ABAT: variants seen among roughly 807,000 people sequenced by gnomAD.
The protein encoded by ABAT is 4-aminobutyrate aminotransferase.
In ABAT, 45 loss-of-function variants were observed where a neutral mutation model predicts 64.6. The observed-to-expected ratio is 0.70, with a 90% CI of 0.55 to 0.89. The LOEUF (loss-of-function observed/expected upper bound fraction) is 0.89, where lower values mean the gene tolerates loss of function less well. Among genes scored for constraint, ABAT ranks in the 40% least tolerant of loss-of-function variants. The pLI is 0.00. For missense variants in ABAT, 633 were observed against 658.4 expected, an observed-to-expected ratio of 0.96 and a Z score of 0.42; for synonymous variants, 297 against 250.5, an observed-to-expected ratio of 1.19 and a Z score of -1.75.
chr16:8,723,698 C>G (rs1038356798), intron 1 of ABAT, among the ~76,000 whole-genome samples: 1 of 151,576 alleles, frequency 6.6e-6, no homozygotes, highest in Admixed American at 6.6e-5. Flanking sequence ...GTGAGAGAGG[C>G]ATCACTATCT....
intron 1 of ABAT, among the ~76,000 whole-genome samples, chr16:8,700,701 G>A (rs73497668): frequency 0.07 from 10,672 of 152,136 alleles, 1,251 homozygotes; most frequent in African/African-American, 0.24. Context: ...GGATCAAGCA[G>A]TCTTCCCACT....
chr16:8,695,952 C>T (rs2057692175), intron 1 of ABAT, among the ~76,000 whole-genome samples: 1 of 152,146 alleles, frequency 6.6e-6, no homozygotes, highest in Non-Finnish European at 1.5e-5. Context: ...TAAACCAAGT[C>T]CCTTTGCCTG....
At chr16:8,719,786 AAAG>A (rs961647287) in intron 1 of ABAT, among the ~76,000 whole-genome samples, 15 of 152,218 alleles carry the variant, frequency 9.9e-5, no homozygotes, top group African/African-American at 3.4e-4. Context: ...AGAAGGAAAA[AAAG>A]AAGTTGTTCA....
intron 1 of ABAT, among the ~76,000 whole-genome samples, chr16:8,731,885 G>T (rs972275499): frequency 1.3e-5 from 2 of 151,400 alleles, no homozygotes; most frequent in Non-Finnish European, 2.9e-5. Context: ...ACAGAGTCTC[G>T]CCCTGTCGCC....
chr16:8,746,113 C>T lies in ABAT; in HGVS notation c.168+15C>T, dbSNP rs779152057. 5 of 1,599,892 alleles carry T rather than the reference C, an allele frequency of 3.1e-6. No individual in the cohort carries two copies. The East Asian group carries it at 6.7e-5, about 21-fold the overall frequency. On this transcript the variant is annotated intron_variant, in intron 3 of 15. Coordinates refer to ENST00000268251, the MANE Select transcript of ABAT (RefSeq NM_020686.6). ...CTAGATCTCAGGTGAGTTGAGCACA[C>T]CTGAGTGGGGTATTTTGGAAAAGGG...
At chr16:8,778,789 C>CCA (rs2060344289) in intron 14 of ABAT, among the ~76,000 whole-genome samples, 1 of 146,836 alleles carries the variant, frequency 6.8e-6, no homozygotes, top group Non-Finnish European at 1.5e-5. Flanking sequence ...AAAAAAAAAA[C>CCA]AAAAAACAAA....
chr16:8,777,841 A>C, intron 14 of ABAT, among the ~76,000 whole-genome samples: 1 of 152,170 alleles, frequency 6.6e-6, no homozygotes, highest in East Asian at 1.9e-4. Context: ...TGCCAGGCAC[A>C]GGGGCTCATG....
chr16:8,710,290 G>A (rs2058038946), intron 1 of ABAT, among the ~76,000 whole-genome samples: 1 of 152,218 alleles, frequency 6.6e-6, no homozygotes, highest in Non-Finnish European at 1.5e-5. Context: ...TATTAGGGAT[G>A]TTTAGTATTC....
intron 1 of ABAT, among the ~76,000 whole-genome samples, chr16:8,730,429 A>T (rs1409437790): frequency 6.6e-6 from 1 of 151,984 alleles, no homozygotes; most frequent in Non-Finnish European, 1.5e-5. Context: ...TCTCCACACT[A>T]TTCCTGCCCT....
In ABAT at chr16:8,750,437, C is replaced by A. The variant is rs756847648; in HGVS notation, c.214C>A (p.His72Asn). The change falls in exon 5 of 16, where the codon CAT becomes AAT. Residue 72 changes from histidine (H) to asparagine (N), a missense_variant. Transcript: ENST00000268251. ...LNIIQNAEAVHFFCNYEESRG... is the reference protein window; with the variant it reads ...LNIIQNAEAVNFFCNYEESRG... ...TTTCTCCAAGAATGCAGAGGCTGTGCATTTTTTCTGCAATTACGAAGAGAG... is the reference window on the plus strand; with the variant it reads ...TTTCTCCAAGAATGCAGAGGCTGTGAATTTTTTCTGCAATTACGAAGAGAG... 1.2e-6 allele frequency: 2 copies of A among 1,613,962 alleles called. No individual in the cohort carries two copies. Among genetic ancestry groups the A allele is most frequent in the Non-Finnish European group, 1.7e-6 (2 of 1,179,980 alleles).
intron 1 of ABAT, among the ~76,000 whole-genome samples, chr16:8,676,382 C>G (rs973323478): frequency 3.3e-5 from 5 of 152,066 alleles, no homozygotes; most frequent in Non-Finnish European, 5.9e-5. Context: ...GCTAGGATCC[C>G]TGACACAAGC....
rs1313829752 is a variant in ABAT at position 8,783,520 on chromosome 16, A to G, written c.*2090A>G. ...GGCAAGGCAAGGAAGGGTGTTGCAG[A>G]GAGGGAACAGCATATGCAAAGGCGT... On this transcript the variant is annotated 3_prime_UTR_variant, in exon 16 of 16. Transcript: ENST00000268251. 5 of 152,238 alleles carry G rather than the reference A, an allele frequency of 3.3e-5. No individual in the cohort carries two copies. Among genetic ancestry groups the G allele is most frequent in the Non-Finnish European group, 7.3e-5 (5 of 68,068 alleles). The allele number at this position is 152,238 out of a possible 1,614,324, so 9.4% of individuals were successfully genotyped here.
chr16:8,756,913 C>T lies in ABAT; in HGVS notation c.317-844C>T, dbSNP rs953040657. Among the ~76,000 whole-genome samples, 13 of 152,134 alleles carry T rather than the reference C, an allele frequency of 8.5e-5. No individual in the cohort carries two copies. The East Asian group carries it at 1.7e-3, about 20-fold the overall frequency. On this transcript the variant is annotated intron_variant, in intron 5 of 15. Coordinates refer to ENST00000268251, the MANE Select transcript of ABAT (RefSeq NM_020686.6). ...CTAAGCCTTGTTGTGCAATGTCAGG[C>T]CCAGTCTGGATGGTAAATGCTGTAG...
At chr16:8,721,874 G>A (rs1276190966) in intron 1 of ABAT, among the ~76,000 whole-genome samples, 1 of 152,206 alleles carries the variant, frequency 6.6e-6, no homozygotes, top group African/African-American at 2.4e-5. Flanking sequence ...AAAGGACGAG[G>A]AGAGGTGGGT....
intron 1 of ABAT, among the ~76,000 whole-genome samples, chr16:8,732,487 A>G (rs1351880434): frequency 6.6e-6 from 1 of 151,228 alleles, no homozygotes; most frequent in African/African-American, 2.5e-5. Context: ...CCCTTAATCC[A>G]TTTAACCCTG....
chr16:8,761,287 C>T (rs1262855767), intron 6 of ABAT, among the ~76,000 whole-genome samples: 2 of 151,784 alleles, frequency 1.3e-5, no homozygotes, highest in Non-Finnish European at 2.9e-5. Flanking sequence ...GCAACCTCTC[C>T]CCATCGATCC....
At chr16:8,762,074 T>C (rs2059813823) in intron 6 of ABAT, among the ~76,000 whole-genome samples, 1 of 152,024 alleles carries the variant, frequency 6.6e-6, no homozygotes, top group African/African-American at 2.4e-5. Context: ...TCATAGTTCA[T>C]TGCAGCCTCG....
intron 1 of ABAT, among the ~76,000 whole-genome samples, chr16:8,716,244 T>C (rs1205812214): frequency 6.6e-6 from 1 of 152,196 alleles, no homozygotes. Flanking sequence ...ACTACATGGC[T>C]GTGTGATGTC....
At chr16:8,703,819 G>C (rs190079065) in intron 1 of ABAT, among the ~76,000 whole-genome samples, 3 of 152,314 alleles carry the variant, frequency 2.0e-5, no homozygotes, top group Admixed American at 2.0e-4. Flanking sequence ...AAGTATTTTT[G>C]GCATGTGGGC....
Sources: allele counts gnomAD v4.1 joint callset (sites outside exome capture counted in the v4.1 genomes callset), GRCh38; gene constraint gnomAD v4.1.1; transcripts MANE v1.5; gene names NCBI Gene and HGNC (gene_info 2026-07-23, HGNC 2026-07-21).